PREX1: variants seen among roughly 807,000 people sequenced by gnomAD.
PREX1 encodes phosphatidylinositol 3,4,5-trisphosphate-dependent Rac exchanger 1 protein.
Under a neutral mutation model 198.3 loss-of-function variants are expected in PREX1, and 41 were observed. The observed-to-expected ratio is 0.21, with a 90% CI of 0.16 to 0.27. The LOEUF (loss-of-function observed/expected upper bound fraction) is 0.27, where lower values mean the gene tolerates loss of function less well. Among genes scored for constraint, PREX1 ranks in the 10% least tolerant of loss-of-function variants. The pLI is 1.00. For synonymous variants in PREX1, 843 were observed against 887.2 expected (o/e 0.95, Z 0.89); for missense variants, 1,620 against 2,200.7 (o/e 0.74, Z 5.28).
chr20:48,708,515 A>C, intron 5 of PREX1, 94 bp from the exon 6 acceptor site: 1 of 1,336,476 alleles, frequency 7.5e-7, no homozygotes, highest in Non-Finnish European at 1.0e-6. Context: ...ACAGACAAAA[A>C]CTCCTCGCCT....
chr20:48,754,841 G>A (rs575195175), intron 1 of PREX1, among the ~76,000 whole-genome samples: 53 of 152,120 alleles, frequency 3.5e-4, no homozygotes, highest in African/African-American at 9.4e-4. Context: ...GAATCTGAGC[G>A]ATGATAATAA....
intron 1 of PREX1, among the ~76,000 whole-genome samples, chr20:48,766,823 T>A (rs890410241): frequency 6.6e-6 from 1 of 152,114 alleles, no homozygotes; most frequent in African/African-American, 2.4e-5. Context: ...GGTGAGTGAG[T>A]GGATGGACGG....
chr20:48,853,675 T>G, the PREX1 span, among the ~76,000 whole-genome samples: 1 of 152,248 alleles, frequency 6.6e-6, no homozygotes, highest in East Asian at 1.9e-4. Context: ...CCAACGCACA[T>G]GCACACATAT....
intron 1 of PREX1, among the ~76,000 whole-genome samples, chr20:48,755,815 G>C (rs916555117): frequency 1.2e-4 from 19 of 152,316 alleles, no homozygotes; most frequent in Admixed American, 9.2e-4. Context: ...GCATTCTAAA[G>C]AATTTCCATT....
At chr20:48,826,561 TA>T (rs570529102) in intron 1 of PREX1, among the ~76,000 whole-genome samples, 7 of 152,144 alleles carry the variant, frequency 4.6e-5, no homozygotes, top group Non-Finnish European at 1.0e-4. Flanking sequence ...TTCCCAATCT[TA>T]AAAACGGAGG....
At chr20:48,834,088 CAA>C in the PREX1 span, among the ~76,000 whole-genome samples, 2 of 129,326 alleles carry the variant, frequency 1.5e-5, no homozygotes. Context: ...GACTCAGTCT[CAA>C]AAAAAAAAAA....
intron 10 of PREX1, among the ~76,000 whole-genome samples, chr20:48,683,974 C>A (rs4810858): frequency 0.39 from 58,561 of 151,532 alleles, 11,942 homozygotes; most frequent in South Asian, 0.53. Context: ...ATGCAAAGGG[C>A]AGCTAGGTCC....
chr20:48,705,761 C>G (rs1392219382), intron 6 of PREX1, among the ~76,000 whole-genome samples: 1 of 152,294 alleles, frequency 6.6e-6, no homozygotes, highest in Non-Finnish European at 1.5e-5. Flanking sequence ...AACAATTTCA[C>G]GTTTTTCAAA....
intron 1 of PREX1, among the ~76,000 whole-genome samples, chr20:48,758,480 G>GA (rs2090164832): frequency 6.6e-6 from 1 of 152,172 alleles, no homozygotes; most frequent in Non-Finnish European, 1.5e-5. Context: ...TTGGGGGGGT[G>GA]AAAGACAGGG....
At chr20:48,778,631 A>G (rs2090274579) in intron 1 of PREX1, among the ~76,000 whole-genome samples, 1 of 152,092 alleles carries the variant, frequency 6.6e-6, no homozygotes, top group Non-Finnish European at 1.5e-5. Flanking sequence ...AATAATTATG[A>G]TGATATGGTA....
intron 1 of PREX1, among the ~76,000 whole-genome samples, chr20:48,785,028 C>G (rs142291996): frequency 6.6e-6 from 1 of 152,068 alleles, no homozygotes; most frequent in East Asian, 1.9e-4. Context: ...ATTCTCCTAC[C>G]TAAGCCTCCC....
chr20:48,828,029 G>A (rs2123096602), upstream of PREX1: 1 of 154,826 alleles, frequency 6.5e-6, no homozygotes, highest in African/African-American at 2.4e-5. Flanking sequence ...CGGGGGCGGA[G>A]GCAGCGCGCG....
At chr20:48,830,281 G>C (rs1020400361), upstream of PREX1, among the ~76,000 whole-genome samples, 21 of 152,200 alleles carry the variant, frequency 1.4e-4, no homozygotes, top group African/African-American at 4.8e-4. Context: ...GAGCTTGCTT[G>C]AGCCCAGGAG....
intron 4 of PREX1, among the ~76,000 whole-genome samples, chr20:48,731,998 C>T (rs949879921): frequency 2.0e-5 from 3 of 152,202 alleles, no homozygotes; most frequent in Non-Finnish European, 4.4e-5. Flanking sequence ...AGCCCAGAGC[C>T]TGGGCAGCAG....
rs533607489 is a variant in PREX1 at position 48,634,358 on chromosome 20, T to G, written c.4267+318A>C. ...GATGGAACTTAATTATGGTACTTAT[T>G]TAAGCCCTTTAAAAATCTTAAGTTT... is the stretch of plus-strand genomic sequence containing the variant. On this transcript the variant is annotated intron_variant, in intron 33 of 39. Coordinates refer to ENST00000371941, the MANE Select transcript of PREX1 (RefSeq NM_020820.4). Among the ~76,000 whole-genome samples the G allele has an allele frequency of 4.6e-5, 7 of 152,312 alleles. No individual in the cohort carries two copies. The South Asian group carries it at 1.5e-3, about 32-fold the overall frequency.
the PREX1 span, among the ~76,000 whole-genome samples, chr20:48,858,938 G>T: frequency 5.9e-5 from 9 of 151,816 alleles, no homozygotes; most frequent in African/African-American, 2.2e-4. Flanking sequence ...CTTTGTCACC[G>T]AGGCTGGAGT....
At chr20:48,715,330 G>A (rs1314692123) in intron 5 of PREX1, among the ~76,000 whole-genome samples, 1 of 152,140 alleles carries the variant, frequency 6.6e-6, no homozygotes, top group East Asian at 1.9e-4. Context: ...GAGCTTTCTC[G>A]CAAGAGAGAG....
intron 5 of PREX1, among the ~76,000 whole-genome samples, chr20:48,723,482 G>A (rs891141670): frequency 2.6e-5 from 4 of 152,172 alleles, no homozygotes; most frequent in Non-Finnish European, 5.9e-5. Context: ...CTGTCAGGCG[G>A]GGAGCAAGGC....
intron 1 of PREX1, among the ~76,000 whole-genome samples, chr20:48,821,075 G>A (rs771775051): frequency 6.6e-6 from 1 of 152,164 alleles, no homozygotes; most frequent in Non-Finnish European, 1.5e-5. Flanking sequence ...GGTGGCACGT[G>A]CCTGTAGTCC....
Sources: gnomAD v4.1 joint callset for allele counts (sites outside exome capture counted in the v4.1 genomes callset) on GRCh38, gnomAD v4.1.1 for gene constraint, MANE v1.5 for transcripts, NCBI Gene and HGNC (gene_info 2026-07-23, HGNC 2026-07-21) for gene names.